The following SLC25A21 variants were observed in gnomAD, a reference collection of about 807,000 sequenced individuals.
SLC25A21 encodes the protein mitochondrial 2-oxodicarboxylate carrier.
A neutral mutation model predicts 43.8 loss-of-function variants in SLC25A21; 47 were observed. The ratio of observed to expected loss-of-function variants is 1.07; its 90% CI spans 0.85 to 1.37. The LOEUF is 1.37. Among genes scored for constraint, SLC25A21 ranks in the 40% most tolerant of loss-of-function variants. The pLI, the probability that SLC25A21 is intolerant of heterozygous loss-of-function variation, is 0.00. For missense variants in SLC25A21, 352 were observed against 350.2 expected (o/e 1.00, Z -0.04); for synonymous variants, 131 against 121.3 (o/e 1.08, Z -0.52).
In SLC25A21 at chr14:36,912,229, T is replaced by C. The variant is rs574842280; in HGVS notation, c.71-37225A>G. Among the ~76,000 whole-genome samples, 6 of 152,354 alleles carry C rather than the reference T, an allele frequency of 3.9e-5. No individual in the cohort carries two copies. The South Asian group carries it at 1.2e-3, about 32-fold the overall frequency. Reference sequence around the variant, plus strand: ...TTTATTCAATCATTCAACAAATAGTTAGCAGTTACTGCACAAATACTATGT... The same window carrying C: ...TTTATTCAATCATTCAACAAATAGTCAGCAGTTACTGCACAAATACTATGT... On this transcript the variant is annotated intron_variant, in intron 1 of 9. Coordinates refer to ENST00000331299, the MANE Select transcript of SLC25A21 (RefSeq NM_030631.4).
At chr14:36,884,722 T>C (rs1566708188) in intron 1 of SLC25A21, among the ~76,000 whole-genome samples, 1 of 152,228 alleles carries the variant, frequency 6.6e-6, no homozygotes, top group Non-Finnish European at 1.5e-5. Flanking sequence ...ATTTCTCTGA[T>C]GATTACTGAT....
intron 2 of SLC25A21, among the ~76,000 whole-genome samples, chr14:36,839,625 G>A (rs1439488136): frequency 6.6e-6 from 1 of 152,224 alleles, no homozygotes; most frequent in Non-Finnish European, 1.5e-5. Context: ...CACAAAAGGA[G>A]ATGTGTATCT....
chr14:37,104,085 C>T (rs1199692612), intron 1 of SLC25A21, among the ~76,000 whole-genome samples: 1 of 152,198 alleles, frequency 6.6e-6, no homozygotes, highest in African/African-American at 2.4e-5. Flanking sequence ...AAACTTCCCT[C>T]CTCTTCAGAA....
chr14:36,776,786 G>A (rs572096477), intron 3 of SLC25A21, among the ~76,000 whole-genome samples: 28 of 152,024 alleles, frequency 1.8e-4, no homozygotes, highest in African/African-American at 5.8e-4. Flanking sequence ...AGTAAATAGC[G>A]ATTATCAGAA....
chr14:37,053,175 C>G (rs1439028138), intron 1 of SLC25A21, among the ~76,000 whole-genome samples: 2 of 151,994 alleles, frequency 1.3e-5, no homozygotes, highest in Non-Finnish European at 2.9e-5. Flanking sequence ...GTTTTATATC[C>G]TATGAAAATA....
rs560282337 is a variant in SLC25A21, at chr14:36,774,632, A to T, written c.203+39286T>A. Among the ~76,000 whole-genome samples, 134 of 151,972 alleles carry T rather than the reference A, an allele frequency of 8.8e-4. 1 individual carries two copies. Among genetic ancestry groups the T allele is most frequent in the African/African-American group, 3.1e-3 (130 of 41,446 alleles). On this transcript the variant is annotated intron_variant, in intron 3 of 9. Transcript: ENST00000331299. Reference sequence around the variant, plus strand: ...GCCCAGGCTGGAGGGCAGTGGTGTGATCAAGGCTCACTGCAGCCTTAATCT... The same window carrying T: ...GCCCAGGCTGGAGGGCAGTGGTGTGTTCAAGGCTCACTGCAGCCTTAATCT...
intron 3 of SLC25A21, among the ~76,000 whole-genome samples, chr14:36,769,257 T>C (rs969942774): frequency 6.6e-6 from 1 of 152,224 alleles, no homozygotes; most frequent in Non-Finnish European, 1.5e-5. Flanking sequence ...CTTTTGAATA[T>C]TTCTATTCTA....
intron 2 of SLC25A21, among the ~76,000 whole-genome samples, chr14:36,827,172 G>A (rs1888864828): frequency 6.6e-6 from 1 of 152,176 alleles, no homozygotes; most frequent in African/African-American, 2.4e-5. Context: ...TGTGGTATGT[G>A]TCTGTTATTT....
chr14:36,805,887 T>C (rs1368735561), intron 3 of SLC25A21, among the ~76,000 whole-genome samples: 1 of 152,008 alleles, frequency 6.6e-6, no homozygotes, highest in East Asian at 1.9e-4. Context: ...TACTAGAGGC[T>C]GGGAAATGTA....
At chr14:36,728,776 T>C (rs530518525) in intron 5 of SLC25A21, among the ~76,000 whole-genome samples, 1 of 152,330 alleles carries the variant, frequency 6.6e-6, no homozygotes, top group African/African-American at 2.4e-5. Context: ...ACATTGCCAA[T>C]TGGAGGGCCA....
intron 3 of SLC25A21, chr14:36,809,063 G>A (rs1333528530): frequency 6.6e-6 from 1 of 152,184 alleles, no homozygotes; most frequent in Middle Eastern, 3.2e-3. Flanking sequence ...AAGGGGAAGT[G>A]AGGCGTGATG....
intron 1 of SLC25A21, among the ~76,000 whole-genome samples, chr14:37,109,610 T>C (rs1477669726): frequency 6.6e-6 from 1 of 152,214 alleles, no homozygotes; most frequent in Admixed American, 6.6e-5. Flanking sequence ...AAAGTATTAA[T>C]GAATGATGTT....
chr14:36,776,219 TCTTTTTCTTTCTTTCTTTC>T (rs1886817336), intron 3 of SLC25A21, among the ~76,000 whole-genome samples: 1 of 110,764 alleles, frequency 9.0e-6, no homozygotes, highest in East Asian at 3.6e-4. Flanking sequence ...CTTTCTTTTT[TCTTTTTCTTTCTTTCTTTC>T]TTTTTTTTTT....
intron 1 of SLC25A21, among the ~76,000 whole-genome samples, chr14:37,094,309 C>G (rs942477577): frequency 2.0e-5 from 3 of 152,176 alleles, no homozygotes; most frequent in Non-Finnish European, 4.4e-5. Context: ...TAGCAACAAT[C>G]AGACACAAAA....
chr14:37,034,571 G>A (rs1359904474), intron 1 of SLC25A21, among the ~76,000 whole-genome samples: 1 of 152,158 alleles, frequency 6.6e-6, no homozygotes, highest in Non-Finnish European at 1.5e-5. Flanking sequence ...GGATTATGTG[G>A]AGTGATTAAT....
chr14:36,936,702 C>T (rs1317487573), intron 1 of SLC25A21, among the ~76,000 whole-genome samples: 1 of 152,088 alleles, frequency 6.6e-6, no homozygotes, highest in East Asian at 1.9e-4. Context: ...TATAAGTAAA[C>T]GTATTGGGGT....
intron 3 of SLC25A21, among the ~76,000 whole-genome samples, chr14:36,789,499 T>C (rs2774036): frequency 0.46 from 68,818 of 150,994 alleles, 16,202 homozygotes; most frequent in African/African-American, 0.57. Context: ...GAAATCAATT[T>C]TGTCAATCTT....
At chr14:36,802,062 T>C (rs1008651775) in intron 3 of SLC25A21, among the ~76,000 whole-genome samples, 11 of 152,304 alleles carry the variant, frequency 7.2e-5, no homozygotes, top group South Asian at 2.1e-4. Context: ...AATTATTCTA[T>C]TGTATTCCTG....
Position 36,680,090 on chromosome 14 carries a change from A to G in SLC25A21, c.*568T>C, listed in dbSNP as rs1882148905. 3 of 882,944 alleles carry G rather than the reference A, an allele frequency of 3.4e-6. No individual in the cohort carries two copies. Among genetic ancestry groups the G allele is most frequent in the Admixed American group, 6.2e-5 (1 of 16,118 alleles). The allele number at this position is 882,944 out of a possible 1,614,324, so 54.7% of individuals were successfully genotyped here. On this transcript the variant is annotated 3_prime_UTR_variant, in exon 10 of 10. Coordinates refer to ENST00000331299, the MANE Select transcript of SLC25A21 (RefSeq NM_030631.4). The stretch of plus-strand genomic sequence containing the variant: ...GTTACTAAAAAAAACCAACAGATTT[A>G]CATTTTAACATAGTATTCATAAAAT...
Sources: gnomAD v4.1 joint callset for allele counts (sites outside exome capture counted in the v4.1 genomes callset) on GRCh38, gnomAD v4.1.1 for gene constraint, MANE v1.5 for transcripts, NCBI Gene and HGNC (gene_info 2026-07-23, HGNC 2026-07-21) for gene names.